TNKS: variants seen among roughly 807,000 people sequenced by gnomAD.
TNKS encodes tankyrase, also known as poly [ADP-ribose] polymerase tankyrase-1.
A neutral mutation model predicts 135.8 loss-of-function variants in TNKS; 72 were observed. The observed-to-expected ratio is 0.53, with a 90% CI of 0.44 to 0.64. The LOEUF (loss-of-function observed/expected upper bound fraction) is 0.64. Among genes scored for constraint, TNKS ranks in the 30% least tolerant of loss-of-function variants. The pLI is 0.00. For missense variants in TNKS, 1,769 were observed against 1,674.0 expected (o/e 1.06, Z -0.99); for synonymous variants, 849 against 649.3 (o/e 1.31, Z -4.68).
At chr8:9,699,722 C>G (rs1314442682) in intron 5 of TNKS, among the ~76,000 whole-genome samples, 4 of 152,210 alleles carry the variant, frequency 2.6e-5, no homozygotes, top group Non-Finnish European at 5.9e-5. Flanking sequence ...TCATTTCTCT[C>G]TTGGATTAGT....
intron 3 of TNKS, among the ~76,000 whole-genome samples, chr8:9,676,918 G>A (rs1802565976): frequency 6.6e-6 from 1 of 152,084 alleles, no homozygotes; most frequent in South Asian, 2.1e-4. Flanking sequence ...CTTTCTGGCT[G>A]ATCTATTACT....
intron 3 of TNKS, among the ~76,000 whole-genome samples, chr8:9,676,702 GTGTGTGTGTTTGTGTGTGTGTA>G (rs1338082215): frequency 6.6e-6 from 1 of 151,522 alleles, no homozygotes; most frequent in Admixed American, 6.6e-5. Flanking sequence ...GTGTGTGTGT[GTGTGTGTGTTTGTGTGTGTGTA>G]TGTATCTTTG....
intron 2 of TNKS, among the ~76,000 whole-genome samples, chr8:9,608,747 G>C (rs2128762508): frequency 6.6e-6 from 1 of 152,228 alleles, no homozygotes; most frequent in Admixed American, 6.6e-5. Flanking sequence ...TCAGTTCAGT[G>C]TAACCACCAT....
At chr8:9,589,565 A>T (rs1450236550) in intron 2 of TNKS, among the ~76,000 whole-genome samples, 1 of 152,178 alleles carries the variant, frequency 6.6e-6, no homozygotes, top group East Asian at 1.9e-4. Flanking sequence ...CTGAGATGCA[A>T]AGAATCTGAT....
intron 2 of TNKS, among the ~76,000 whole-genome samples, chr8:9,590,132 A>G (rs1798537009): frequency 6.6e-6 from 1 of 152,146 alleles, no homozygotes; most frequent in Admixed American, 6.5e-5. Flanking sequence ...AAAATGCTCC[A>G]CATAATTCCA....
intron 5 of TNKS, among the ~76,000 whole-genome samples, chr8:9,689,867 A>G (rs1406277252): frequency 6.6e-6 from 1 of 152,250 alleles, no homozygotes; most frequent in Non-Finnish European, 1.5e-5. Flanking sequence ...TGTAATTATT[A>G]AATGCCGATC....
chr8:9,679,701 T>A, intron 3 of TNKS: 1 of 443,116 alleles, frequency 2.3e-6, no homozygotes, highest in East Asian at 3.5e-5. Context: ...AGATTTAGCA[T>A]TCATTGGTTG....
At position 9,649,878 on chromosome 8, in the gene TNKS, CTTTTTTTTTTTTTTTTTTTT is replaced by C. The variant is rs71201959; in HGVS notation, c.995-30063_995-30044del. Among the ~76,000 whole-genome samples, 5 of 83,376 alleles carry C rather than the reference CTTTTTTTTTTTTTTTTTTTT, an allele frequency of 6.0e-5. No individual in the cohort carries two copies. The East Asian group carries it at 9.7e-4, about 16-fold the overall frequency. The allele number at this position is 83,376 out of a possible 152,430, so 54.7% of individuals were successfully genotyped here. A position where few individuals can be genotyped will look rare whatever the true frequency, so the allele number is the denominator to read the frequency against. On this transcript the variant is annotated intron_variant, in intron 3 of 26. Coordinates refer to ENST00000310430, the MANE Select transcript of TNKS (RefSeq NM_003747.3). The stretch of plus-strand genomic sequence containing the variant: ...CACAGTTCTTTCTTTCTTTTCTTTT[CTTTTTTTTTTTTTTTTTTTT>C]TTTTTTTTTGAGATGGAGCCTCACT...
chr8:9,585,634 A>G (rs1267330852), intron 2 of TNKS, among the ~76,000 whole-genome samples: 3 of 152,352 alleles, frequency 2.0e-5, no homozygotes, highest in East Asian at 3.9e-4. Flanking sequence ...ATTAAGTTGT[A>G]ATTTCCTTGA....
intron 6 of TNKS, among the ~76,000 whole-genome samples, chr8:9,705,826 T>C (rs1804014536): frequency 6.6e-6 from 1 of 152,248 alleles, no homozygotes; most frequent in African/African-American, 2.4e-5. Flanking sequence ...TGCTAGAAAT[T>C]ACCATTAAAG....
chr8:9,745,136 C>G (rs1806170988), intron 17 of TNKS, among the ~76,000 whole-genome samples: 1 of 152,132 alleles, frequency 6.6e-6, no homozygotes, highest in South Asian at 2.1e-4. Context: ...TTTGGGTTAA[C>G]TTAACAAAAA....
chr8:9,726,160 GCAGGAGGATCACTTGAGCC>G (rs1441780669), intron 12 of TNKS, among the ~76,000 whole-genome samples: 2 of 152,190 alleles, frequency 1.3e-5, no homozygotes, highest in Non-Finnish European at 2.9e-5. Context: ...GGAGGCTGAA[GCAGGAGGATCACTTGAGCC>G]CAGGAGTTTG....
intron 12 of TNKS, among the ~76,000 whole-genome samples, 186 bp downstream of exon 12, chr8:9,720,731 A>G (rs568102425): frequency 5.3e-5 from 8 of 152,328 alleles, no homozygotes; most frequent in Middle Eastern, 3.4e-3. Context: ...GGAAGGAAGC[A>G]GATACAGCTT....
chr8:9,597,104 A>G (rs1272041846), intron 2 of TNKS, among the ~76,000 whole-genome samples: 1 of 152,256 alleles, frequency 6.6e-6, no homozygotes, highest in East Asian at 1.9e-4. Context: ...TAAGATAGCA[A>G]ATAAGTGCTT....
chr8:9,725,007 CTA>C (rs1031861041), intron 12 of TNKS, among the ~76,000 whole-genome samples: 1 of 152,084 alleles, frequency 6.6e-6, no homozygotes, highest in Non-Finnish European at 1.5e-5. Context: ...AAATGAAAAA[CTA>C]AAAATATTAC....
intron 17 of TNKS, among the ~76,000 whole-genome samples, chr8:9,741,431 C>T (rs1023262030): frequency 3.3e-5 from 5 of 152,098 alleles, no homozygotes; most frequent in Non-Finnish European, 7.3e-5. Flanking sequence ...TAAGGAAGTT[C>T]TACTCCATTA....
chr8:9,646,228 T>G (rs1175247462), intron 3 of TNKS, among the ~76,000 whole-genome samples: 1 of 152,138 alleles, frequency 6.6e-6, no homozygotes, highest in Admixed American at 6.6e-5. Flanking sequence ...TTAAAAAGAT[T>G]TCCTTGTTTT....
At chr8:9,666,088 C>T (rs946222428) in intron 3 of TNKS, among the ~76,000 whole-genome samples, 6 of 152,296 alleles carry the variant, frequency 3.9e-5, no homozygotes, top group African/African-American at 9.6e-5. Flanking sequence ...ACTGTAGTAA[C>T]AGCTTTTGCT....
chr8:9,699,927 TC>T (rs957089570), intron 5 of TNKS, among the ~76,000 whole-genome samples: 1 of 152,276 alleles, frequency 6.6e-6, no homozygotes, highest in African/African-American at 2.4e-5. Flanking sequence ...ACTGAATTTT[TC>T]TTAAGTTTCT....
Sources: gnomAD v4.1 joint callset for allele counts (sites outside exome capture counted in the v4.1 genomes callset) on GRCh38, gnomAD v4.1.1 for gene constraint, MANE v1.5 for transcripts, NCBI Gene and HGNC (gene_info 2026-07-23, HGNC 2026-07-21) for gene names.